BLK: variants seen among roughly 807,000 people sequenced by gnomAD.
BLK encodes tyrosine-protein kinase Blk.
In BLK, 64 loss-of-function variants were observed where a neutral mutation model predicts 61.8. That is an observed-to-expected ratio of 1.03 (90% CI 0.85 to 1.27). BLK has a LOEUF of 1.27. Among genes scored for constraint, BLK ranks in the 50% most tolerant of loss-of-function variants. The pLI, the probability that BLK is intolerant of heterozygous loss-of-function variation, is 0.00. For missense variants in BLK, 853 were observed against 660.5 expected, an observed-to-expected ratio of 1.29 and a Z score of -3.19; for synonymous variants, 351 against 272.0, an observed-to-expected ratio of 1.29 and a Z score of -2.86.
At chr8:11,537,158 C>T (rs1800166552) in intron 1 of BLK, among the ~76,000 whole-genome samples, 1 of 152,184 alleles carries the variant, frequency 6.6e-6, no homozygotes, top group Non-Finnish European at 1.5e-5. Flanking sequence ...AGACATGAAA[C>T]ATGAATTTTA....
chr8:11,524,713 A>C (rs1799584743), intron 1 of BLK, among the ~76,000 whole-genome samples: 1 of 152,218 alleles, frequency 6.6e-6, no homozygotes, highest in Admixed American at 6.5e-5. Context: ...TATGATCTTG[A>C]GAAAATGGAA....
chr8:11,555,579 C>G (rs767782748), intron 8 of BLK, 95 bp downstream of exon 8: 3 of 1,564,930 alleles, frequency 1.9e-6, no homozygotes, highest in Non-Finnish European at 1.7e-6. Flanking sequence ...TGTCATCCCT[C>G]CCCCAGAAGT....
intron 10 of BLK, 135 bp from the exon 11 acceptor site, chr8:11,561,167 A>T (rs1458824434): frequency 7.9e-7 from 1 of 1,269,352 alleles, no homozygotes; most frequent in Non-Finnish European, 1.1e-6. Context: ...GGAGCAACAC[A>T]GTCACCTTTC....
rs754095293 is a variant in BLK, at chr8:11,558,034, C to T, written c.1025C>T (p.Ala342Val). ...LSLPRLIDMS[A>V]QIAEGMAYIE... ...CTCCCAAGGCTGATTGACATGTCGGCGCAGGTTGGTGAAGTACCAGGTGCA... is the reference window on the plus strand; with the variant it reads ...CTCCCAAGGCTGATTGACATGTCGGTGCAGGTTGGTGAAGTACCAGGTGCA... The change falls in exon 10 of 13, where the codon GCG (alanine) becomes GTG (valine). Residue 342 changes from alanine (A) to valine (V), a missense_variant. Transcript: ENST00000259089. 9.9e-6 allele frequency: 16 copies of T among 1,613,872 alleles called. No individual in the cohort carries two copies. The highest frequency in any genetic ancestry group is 2.7e-5 in the African/African-American group (2 of 74,918).
At chr8:11,525,786 C>A (rs1001833846) in intron 1 of BLK, among the ~76,000 whole-genome samples, 2 of 152,136 alleles carry the variant, frequency 1.3e-5, no homozygotes, top group Non-Finnish European at 2.9e-5. Context: ...ATTCTGCCGC[C>A]CAGGCTGGAG....
chr8:11,509,282 C>G (rs2117278319), intron 1 of BLK: 1 of 152,394 alleles, frequency 6.6e-6, no homozygotes, highest in East Asian at 1.9e-4. Flanking sequence ...CAGCAAGAAG[C>G]CAGCCAGGCC....
At chr8:11,512,842 T>C (rs1024646032) in intron 1 of BLK, among the ~76,000 whole-genome samples, 8 of 152,120 alleles carry the variant, frequency 5.3e-5, no homozygotes, top group Non-Finnish European at 1.2e-4. Flanking sequence ...AATTATTGTA[T>C]TTTTAGTAGA....
intron 1 of BLK, among the ~76,000 whole-genome samples, chr8:11,515,520 G>A (rs187324929): frequency 6.6e-6 from 1 of 152,164 alleles, no homozygotes; most frequent in African/African-American, 2.4e-5. Flanking sequence ...CGTCTCTCTG[G>A]GGCATTCTTT....
rs572836067 is a variant in BLK at position 11,559,888 on chromosome 8, G to A, written c.1030-1414G>A. The A allele has an allele frequency of 7.0e-5, 32 of 455,412 alleles. 1 individual carries two copies. Among genetic ancestry groups the A allele is most frequent in the Admixed American group, 5.4e-4 (23 of 42,502 alleles). 28.2% of individuals were successfully genotyped at this position (455,412 alleles called of 1,614,324 possible). A position where few individuals can be genotyped will look rare whatever the true frequency, so the allele number is the denominator to read the frequency against. On this transcript the variant is annotated intron_variant, in intron 10 of 12. Transcript: ENST00000259089. ...GAGAGCCCTTAGCTCAGGTGTTCCC[G>A]GAAGCACTGTTCTTGCTCAGCAGAT...
In BLK at chr8:11,556,916, G is replaced by C. The variant is rs1051842882; in HGVS notation, c.952+79G>C. The C allele has an allele frequency of 1.2e-5, 18 of 1,526,884 alleles. No individual in the cohort carries two copies. The African/African-American group carries it at 1.4e-4, about 12-fold the overall frequency. 94.6% of individuals were successfully genotyped at this position (1,526,884 alleles called of 1,614,324 possible). On this transcript the variant is annotated intron_variant, in intron 9 of 12. Coordinates refer to ENST00000259089, the MANE Select transcript of BLK (RefSeq NM_001715.3). ...AGCAGGAGGAGGAGGGTCCGCTGCGGTGGGTTCACCAGGCCAGGGGGTCCT... is the reference window on the plus strand; with the variant it reads ...AGCAGGAGGAGGAGGGTCCGCTGCGCTGGGTTCACCAGGCCAGGGGGTCCT...
chr8:11,562,111 C>G (rs1005376146), intron 11 of BLK, among the ~76,000 whole-genome samples: 3 of 152,118 alleles, frequency 2.0e-5, no homozygotes, highest in Non-Finnish European at 4.4e-5. Flanking sequence ...AAGCCATGCC[C>G]AAATACTATT....
chr8:11,515,974 A>C (rs868201939), intron 1 of BLK, among the ~76,000 whole-genome samples: 5 of 152,172 alleles, frequency 3.3e-5, no homozygotes, highest in Non-Finnish European at 7.3e-5. Flanking sequence ...ATGGGTGTGC[A>C]CTCGCGTGCC....
intron 1 of BLK, among the ~76,000 whole-genome samples, chr8:11,524,209 T>C (rs1286031455): frequency 6.6e-6 from 1 of 152,218 alleles, no homozygotes; most frequent in Admixed American, 6.5e-5. Flanking sequence ...ATTTATACTG[T>C]ACTGTTCACA....
At chr8:11,512,472 G>T (rs1340678943) in intron 1 of BLK, among the ~76,000 whole-genome samples, 2 of 152,182 alleles carry the variant, frequency 1.3e-5, no homozygotes, top group East Asian at 1.9e-4. Context: ...AATCATTTAG[G>T]TTCAATTGGG....
intron 1 of BLK, among the ~76,000 whole-genome samples, chr8:11,528,608 T>C (rs1799766631): frequency 6.6e-6 from 1 of 152,068 alleles, no homozygotes; most frequent in South Asian, 2.1e-4. Context: ...GGGGGCATAT[T>C]TGGGGGAGGG....
Position 11,563,080 on chromosome 8 carries a change from G to T in BLK, c.1282G>T (p.Val428Phe), listed in dbSNP as rs1427158854. 2 of 1,613,980 alleles carry T rather than the reference G, an allele frequency of 1.2e-6. No individual in the cohort carries two copies. Among genetic ancestry groups the T allele is most frequent in the Non-Finnish European group, 1.7e-6 (2 of 1,180,042 alleles). The part of the protein sequence containing the change: ...VWSFGVLLME[V>F]VTYGRVPYPG... ...GTCGTTTGGAGTCCTCCTGATGGAA[G>T]TTGTCACTTATGGGCGGGTGCCATA... The change falls in exon 12 of 13, where the codon GTT (valine) becomes TTT (phenylalanine). Residue 428 changes from valine to phenylalanine, a missense_variant. Coordinates refer to ENST00000259089, the MANE Select transcript of BLK (RefSeq NM_001715.3).
intron 2 of BLK, 82 bp from the exon 3 acceptor site, chr8:11,545,970 G>T: frequency 6.9e-7 from 1 of 1,450,410 alleles, no homozygotes; most frequent in East Asian, 2.3e-5. Context: ...TACCCTGGCT[G>T]CCCGGCTCAG....
At chr8:11,515,572 A>G (rs1173646766) in intron 1 of BLK, among the ~76,000 whole-genome samples, 1 of 152,006 alleles carries the variant, frequency 6.6e-6, no homozygotes, top group African/African-American at 2.4e-5. Flanking sequence ...CCTCATCTGG[A>G]TGCCTGCCTC....
intron 4 of BLK, among the ~76,000 whole-genome samples, chr8:11,548,823 A>G (rs372597867): frequency 1.3e-5 from 2 of 151,814 alleles, no homozygotes; most frequent in South Asian, 2.1e-4. Context: ...CTGTGTAGAT[A>G]AGCTCTTCCC....
Sources: allele counts gnomAD v4.1 joint callset (sites outside exome capture counted in the v4.1 genomes callset), GRCh38; gene constraint gnomAD v4.1.1; transcripts MANE v1.5; gene names NCBI Gene and HGNC (gene_info 2026-07-23, HGNC 2026-07-21).